Variants in KDM2A observed in about 807,000 individuals in gnomAD.
The protein encoded by KDM2A is lysine demethylase 2A, also known as lysine-specific demethylase 2A.
A neutral mutation model predicts 137.3 loss-of-function variants in KDM2A; 3 were observed. The observed-to-expected ratio is 0.02, with a 90% CI of 0.01 to 0.06. The LOEUF (loss-of-function observed/expected upper bound fraction) is 0.06. Among genes scored for constraint, KDM2A ranks in the 10% least tolerant of loss-of-function variants. KDM2A has a pLI of 1.00. For missense variants in KDM2A, 738 were observed against 1,510.6 expected, an observed-to-expected ratio of 0.49 and a Z score of 8.48; for synonymous variants, 512 against 541.5, an observed-to-expected ratio of 0.95 and a Z score of 0.76.
chr11:67,207,363 A>C, intron 5 of KDM2A, 147 bp from the exon 6 acceptor site: 1 of 525,854 alleles, frequency 1.9e-6, no homozygotes, highest in Non-Finnish European at 3.2e-6. Flanking sequence ...TGATTTGATT[A>C]TGATTGTTGA....
chr11:67,232,418 A>G (rs1363537004), intron 12 of KDM2A, among the ~76,000 whole-genome samples: 1 of 152,236 alleles, frequency 6.6e-6, no homozygotes, highest in African/African-American at 2.4e-5. Flanking sequence ...TAGCATCAAG[A>G]CTTAAATACA....
In KDM2A at chr11:67,201,699, C is replaced by A. The variant is rs966692342; in HGVS notation, c.308-5811C>A. Among the ~76,000 whole-genome samples, 3 of 134,920 alleles carry A rather than the reference C, an allele frequency of 2.2e-5. No homozygotes were observed. The East Asian group carries it at 6.9e-4, about 31-fold the overall frequency. The allele number at this position is 134,920 out of a possible 152,430, so 88.5% of individuals were successfully genotyped here. On this transcript the variant is annotated intron_variant, in intron 5 of 20. Coordinates refer to ENST00000529006, the MANE Select transcript of KDM2A (RefSeq NM_012308.3). ...AGGAGAATCACTTGAACCTGGGAGA[C>A]GGAGGTTGCAGTGAGCCAAGATCAC...
chr11:67,141,030 C>G (rs145805245), intron 2 of KDM2A, among the ~76,000 whole-genome samples: 3 of 152,212 alleles, frequency 2.0e-5, no homozygotes, highest in East Asian at 3.9e-4. Context: ...TTGATAAATA[C>G]TACTCATTTA....
intron 15 of KDM2A, among the ~76,000 whole-genome samples, chr11:67,246,437 G>A (rs1286576011): frequency 6.6e-6 from 1 of 152,086 alleles, no homozygotes; most frequent in Non-Finnish European, 1.5e-5. Context: ...GATGCCTCAA[G>A]CCTTTAGGCA....
chr11:67,146,940 C>T (rs75498182), intron 2 of KDM2A, among the ~76,000 whole-genome samples: 4,060 of 152,208 alleles, frequency 0.027, 84 homozygotes, highest in African/African-American at 0.048. Flanking sequence ...GTTTACTGAT[C>T]TCATTTGAGA....
intron 12 of KDM2A, among the ~76,000 whole-genome samples, chr11:67,233,316 C>T (rs977648125): frequency 3.4e-5 from 5 of 147,294 alleles, no homozygotes; most frequent in South Asian, 4.4e-4. Flanking sequence ...GTCAGGAGTT[C>T]GAGACCAGCC....
intron 5 of KDM2A, among the ~76,000 whole-genome samples, chr11:67,184,375 A>G (rs1300980198): frequency 6.6e-6 from 1 of 152,010 alleles, no homozygotes; most frequent in Non-Finnish European, 1.5e-5. Flanking sequence ...GACGCCTGTA[A>G]TCCCAGCACT....
At chr11:67,207,165 T>A (rs1458307577) in intron 5 of KDM2A, among the ~76,000 whole-genome samples, 1 of 152,198 alleles carries the variant, frequency 6.6e-6, no homozygotes, top group Non-Finnish European at 1.5e-5. Context: ...CCGGTTCTTT[T>A]CCTGCTTTGT....
At chr11:67,224,529 G>A (rs1236251850) in intron 10 of KDM2A, among the ~76,000 whole-genome samples, 4 of 138,960 alleles carry the variant, frequency 2.9e-5, no homozygotes, top group Non-Finnish European at 4.5e-5. Context: ...GCAGTGGTGC[G>A]ATCTCAGCTC....
At chr11:67,146,144 A>G (rs1417824093) in intron 2 of KDM2A, among the ~76,000 whole-genome samples, 1 of 151,474 alleles carries the variant, frequency 6.6e-6, no homozygotes, top group Non-Finnish European at 1.5e-5. Context: ...GGCGCATACC[A>G]CCACACCCAG....
At chr11:67,123,577 A>G (rs1376892783) in intron 2 of KDM2A, among the ~76,000 whole-genome samples, 1 of 152,040 alleles carries the variant, frequency 6.6e-6, no homozygotes. Context: ...TTATTGCTAT[A>G]TGGAATTCAC....
In KDM2A at chr11:67,245,595, A is replaced by T; in HGVS notation, c.1833+137A>T. ...TACTCTCTTTTTGGCTTTATTTTGT[A>T]CCTTTTTTCCCCAGGTTTAGATAGA... On this transcript the variant is annotated intron_variant, in intron 14 of 20. Transcript: ENST00000529006. This position sits in a 1 kb window ranked among gnomAD's most constrained non-coding sequence, Gnocchi z 4.1. The T allele has an allele frequency of 1.0e-6, 1 of 960,524 alleles. No homozygotes were observed. Among genetic ancestry groups the T allele is most frequent in the East Asian group, 2.6e-5 (1 of 37,890 alleles). The allele number at this position is 960,524 out of a possible 1,614,324, so 59.5% of individuals were successfully genotyped here.
chr11:67,148,646 C>T (rs987218700), intron 2 of KDM2A, among the ~76,000 whole-genome samples: 17 of 151,164 alleles, frequency 1.1e-4, no homozygotes, highest in East Asian at 2.0e-4. Context: ...ACTAAAAATA[C>T]GAAAATGAAC....
chr11:67,199,741 T>A (rs1235210481), intron 5 of KDM2A, among the ~76,000 whole-genome samples: 1 of 152,246 alleles, frequency 6.6e-6, no homozygotes, highest in African/African-American at 2.4e-5. Flanking sequence ...ATATAGAAGC[T>A]GCAGCAGGTT....
chr11:67,242,284 GT>G (rs1261803374), intron 12 of KDM2A, among the ~76,000 whole-genome samples: 1 of 151,500 alleles, frequency 6.6e-6, no homozygotes, highest in African/African-American at 2.4e-5. Flanking sequence ...GTGTATGTGT[GT>G]GTGTGTGTGT....
intron 10 of KDM2A, among the ~76,000 whole-genome samples, chr11:67,221,251 C>G (rs1051827352): frequency 6.6e-6 from 1 of 152,120 alleles, no homozygotes; most frequent in African/African-American, 2.4e-5. Flanking sequence ...GTAAGTTACT[C>G]TCAAGTAGCT....
At chr11:67,157,835 G>A (rs1393947449) in intron 2 of KDM2A, among the ~76,000 whole-genome samples, 1 of 152,032 alleles carries the variant, frequency 6.6e-6, no homozygotes, top group Non-Finnish European at 1.5e-5. Flanking sequence ...GCTGGGTGTG[G>A]GTACCTGTAG....
chr11:67,240,146 A>T, intron 12 of KDM2A: 1 of 1,444,926 alleles, frequency 6.9e-7, no homozygotes, highest in Non-Finnish European at 9.1e-7. Flanking sequence ...GAAGGAGCCC[A>T]GAGCGCTGCA....
rs1187188290 is a variant in KDM2A, at chr11:67,254,897, A to G, written c.3331A>G (p.Thr1111Ala). 6.2e-7 allele frequency: 1 copy of G among 1,613,890 alleles called. No homozygotes were observed. The highest frequency in any genetic ancestry group is 1.7e-5 in the Admixed American group (1 of 60,014). The change falls in exon 21 of 21, where the codon ACC becomes GCC. Residue 1111 changes from threonine (T) to alanine (A), a missense_variant. Coordinates refer to ENST00000529006, the MANE Select transcript of KDM2A (RefSeq NM_012308.3). This position sits in a 1 kb window ranked among gnomAD's most constrained non-coding sequence, Gnocchi z 4.7. ...AGGTTGCAATAAATTGACAGACCAG[A>G]CCCTGATCTACCTACGGCGCATTGC... ...MAGCNKLTDQTLIYLRRIANV... is the reference protein window; with the variant it reads ...MAGCNKLTDQALIYLRRIANV...
Sources: allele counts gnomAD v4.1 joint callset (sites outside exome capture counted in the v4.1 genomes callset), GRCh38; gene constraint gnomAD v4.1.1; non-coding constraint Gnocchi (gnomAD v3.1); transcripts MANE v1.5; gene names NCBI Gene and HGNC (gene_info 2026-07-23, HGNC 2026-07-21).